Variants in MOSMO observed in about 807,000 individuals in gnomAD.
The protein encoded by MOSMO is modulator of smoothened protein.
A neutral mutation model predicts 18.4 loss-of-function variants in MOSMO; 5 were observed. That is an observed-to-expected ratio of 0.27 (90% CI 0.14 to 0.57). The LOEUF (loss-of-function observed/expected upper bound fraction) is 0.57. MOSMO is among the 20% of genes least tolerant of loss of function. The pLI is 0.92. For missense variants in MOSMO, 138 were observed against 211.8 expected, an observed-to-expected ratio of 0.65 and a Z score of 2.16; for synonymous variants, 82 against 82.3, an observed-to-expected ratio of 1.00 and a Z score of 0.02.
At chr16:22,008,854 G>A (rs1389659716) in intron 1 of MOSMO, among the ~76,000 whole-genome samples, 1 of 152,150 alleles carries the variant, frequency 6.6e-6, no homozygotes, top group Non-Finnish European at 1.5e-5. Context: ...GGCAGCCTGC[G>A]GGGCAGTGCG....
chr16:22,036,523 T>C (rs147758281), intron 1 of MOSMO, among the ~76,000 whole-genome samples: 2 of 152,278 alleles, frequency 1.3e-5, no homozygotes, highest in Admixed American at 6.5e-5. Flanking sequence ...TCACAGCTAA[T>C]TGTAGCCTTG....
chr16:22,073,452 A>T (rs1900899408), intron 1 of MOSMO, among the ~76,000 whole-genome samples: 1 of 151,904 alleles, frequency 6.6e-6, no homozygotes, highest in African/African-American at 2.4e-5. Flanking sequence ...GATCAGGAGG[A>T]GTTTCCTGTT....
intron 1 of MOSMO, among the ~76,000 whole-genome samples, chr16:22,023,997 T>TATATATATATATATATATA (rs1899818517): frequency 7.9e-6 from 1 of 126,314 alleles, no homozygotes; most frequent in African/African-American, 3.7e-5. Flanking sequence ...TTTGTACAAA[T>TATATATATATATATATATA]TATATATATA....
intron 1 of MOSMO, among the ~76,000 whole-genome samples, chr16:22,015,959 G>A (rs1266525650): frequency 6.6e-6 from 1 of 152,108 alleles, no homozygotes; most frequent in African/African-American, 2.4e-5. Context: ...TGTTAGATTG[G>A]CCATACTTAT....
chr16:22,074,821 A>C (rs909535081), intron 1 of MOSMO, among the ~76,000 whole-genome samples: 1 of 152,214 alleles, frequency 6.6e-6, no homozygotes, highest in East Asian at 1.9e-4. Context: ...TGGCAGTGTG[A>C]ACACTTGTAA....
intron 1 of MOSMO, among the ~76,000 whole-genome samples, chr16:22,020,613 G>C (rs763889516): frequency 1.3e-5 from 2 of 152,114 alleles, no homozygotes; most frequent in Non-Finnish European, 2.9e-5. Context: ...AATATTATAA[G>C]ATGAAACTTA....
At chr16:22,051,988 T>C (rs1216065597) in intron 1 of MOSMO, among the ~76,000 whole-genome samples, 1 of 151,910 alleles carries the variant, frequency 6.6e-6, no homozygotes, top group East Asian at 1.9e-4. Context: ...GGTTTGAGAG[T>C]TTTTTTCCTA....
rs13330895 is a variant in MOSMO, at chr16:22,015,797, A to G, written c.106+7390A>G. 9.9e-3 allele frequency among the ~76,000 whole-genome samples: 1,514 copies of G among 152,266 alleles called. 27 individuals carry two copies. Among genetic ancestry groups the G allele is most frequent in the African/African-American group, 0.034 (1,433 of 41,554 alleles). On this transcript the variant is annotated intron_variant, in intron 1 of 2. Transcript: ENST00000542527. ...TATCATTACCAACAGAGATGGAGCC[A>G]CTTCAGAATTAAGACTATAAATAAG...
Position 22,008,223 on chromosome 16 carries a change from C to A in MOSMO, c.-79C>A. The A allele has an allele frequency of 1.3e-6, 1 of 745,616 alleles. No individual in the cohort carries two copies. The highest frequency in any genetic ancestry group is 2.6e-5 in the South Asian group (1 of 38,478). The allele number at this position is 745,616 out of a possible 1,614,324, so 46.2% of individuals were successfully genotyped here. A position where few individuals can be genotyped will look rare whatever the true frequency, so the allele number is the denominator to read the frequency against. On this transcript the variant is annotated 5_prime_UTR_variant, in exon 1 of 3. Coordinates refer to ENST00000542527, the MANE Select transcript of MOSMO (RefSeq NM_001164579.2). The stretch of plus-strand genomic sequence containing the variant: ...GCAGCGGCGCGGGGACTCCGGGCCC[C>A]GGCGGCGGCCCATGGGGCGGGAGGC...
intron 1 of MOSMO, among the ~76,000 whole-genome samples, chr16:22,019,485 A>G (rs1024654730): frequency 1.3e-5 from 2 of 152,180 alleles, no homozygotes; most frequent in Non-Finnish European, 2.9e-5. Context: ...ATGGTAGCAT[A>G]TCTGTGTCAT....
At chr16:22,048,477 A>G (rs959469290) in intron 1 of MOSMO, among the ~76,000 whole-genome samples, 1 of 152,164 alleles carries the variant, frequency 6.6e-6, no homozygotes, top group Non-Finnish European at 1.5e-5. Context: ...GATAGTATAA[A>G]TCTTTTTAGC....
At chr16:22,010,076 T>G (rs762595462) in intron 1 of MOSMO, among the ~76,000 whole-genome samples, 15 of 152,302 alleles carry the variant, frequency 9.8e-5, no homozygotes, top group South Asian at 4.1e-4. Context: ...TCCTGCAATA[T>G]TTTTAGCTCT....
Position 22,082,479 on chromosome 16 carries a change from T to C in MOSMO, c.*1599T>C, listed in dbSNP as rs1485340146. Reference sequence around the variant, plus strand: ...AGTGGAGCTAAGTTTCTCCTCTTTATAGTGAACTGGTGACCCAAATGTCCC... The same window carrying C: ...AGTGGAGCTAAGTTTCTCCTCTTTACAGTGAACTGGTGACCCAAATGTCCC... On this transcript the variant is annotated 3_prime_UTR_variant, in exon 3 of 3. Transcript: ENST00000542527. 1 of 152,172 alleles carries C rather than the reference T, an allele frequency of 6.6e-6. No individual in the cohort carries two copies. The highest frequency in any genetic ancestry group is 2.4e-5 in the African/African-American group (1 of 41,434). The allele number at this position is 152,172 out of a possible 1,614,324, so 9.4% of individuals were successfully genotyped here.
At chr16:22,078,230 C>A (rs550924674) in intron 2 of MOSMO, among the ~76,000 whole-genome samples, 27 of 151,994 alleles carry the variant, frequency 1.8e-4, no homozygotes, top group Admixed American at 9.8e-4. Flanking sequence ...GAAATTGTGT[C>A]TTTACAAACT....
At chr16:22,028,365 T>TA (rs1417380143) in intron 1 of MOSMO, among the ~76,000 whole-genome samples, 1 of 108,600 alleles carries the variant, frequency 9.2e-6, no homozygotes. Context: ...GGATCTTTTT[T>TA]ATGTTTTTTT....
At chr16:22,049,762 C>T (rs1900386046) in intron 1 of MOSMO, among the ~76,000 whole-genome samples, 1 of 152,098 alleles carries the variant, frequency 6.6e-6, no homozygotes, top group African/African-American at 2.4e-5. Context: ...ATTAATTTGC[C>T]ATCTTATTTT....
chr16:22,089,706 A>G (rs1901258624), downstream of MOSMO, among the ~76,000 whole-genome samples: 1 of 146,286 alleles, frequency 6.8e-6, no homozygotes, highest in Admixed American at 7.1e-5. Context: ...ATGAGGCAGT[A>G]GTTTTACTGT....
intron 1 of MOSMO, among the ~76,000 whole-genome samples, chr16:22,021,453 A>G (rs772580870): frequency 4.6e-5 from 7 of 152,118 alleles, no homozygotes; most frequent in Non-Finnish European, 1.0e-4. Flanking sequence ...ACTTGAAAAT[A>G]AAAGTGAGTG....
At chr16:22,013,190 A>T (rs982022847) in intron 1 of MOSMO, among the ~76,000 whole-genome samples, 1 of 152,172 alleles carries the variant, frequency 6.6e-6, no homozygotes, top group Non-Finnish European at 1.5e-5. Context: ...CTGATTCCTT[A>T]GGATGTTTAT....
Sources: gnomAD v4.1 joint callset for allele counts (sites outside exome capture counted in the v4.1 genomes callset) on GRCh38, gnomAD v4.1.1 for gene constraint, MANE v1.5 for transcripts, NCBI Gene and HGNC (gene_info 2026-07-23, HGNC 2026-07-21) for gene names.